The following XRCC4 variants were observed in gnomAD, a reference collection of about 807,000 sequenced individuals.
XRCC4 encodes X-ray repair cross complementing 4, also known as DNA repair protein XRCC4.
Under a neutral mutation model 39.1 loss-of-function variants are expected in XRCC4, and 28 were observed. That is an observed-to-expected ratio of 0.72 (90% CI 0.53 to 0.98). The LOEUF (loss-of-function observed/expected upper bound fraction) is 0.98, where lower values mean the gene tolerates loss of function less well. Ranked by LOEUF, XRCC4 falls within the 50% of genes least tolerant of loss-of-function variation. The pLI is 0.00. For missense variants in XRCC4, 350 were observed against 376.4 expected (o/e 0.93, Z 0.58); for synonymous variants, 123 against 126.4 (o/e 0.97, Z 0.18).
At chr5:83,373,713 AT>A in the XRCC4 span, among the ~76,000 whole-genome samples, 11 of 151,830 alleles carry the variant, frequency 7.2e-5, no homozygotes, top group African/African-American at 2.4e-4. Context: ...CTTTTTCTCT[AT>A]TTTTTTTAAC....
chr5:83,223,426 C>G (rs186117628), intron 6 of XRCC4, among the ~76,000 whole-genome samples: 18 of 152,014 alleles, frequency 1.2e-4, no homozygotes, highest in South Asian at 2.1e-4. Flanking sequence ...TTGTTATATC[C>G]TCTTGCTGAA....
chr5:83,342,010 T>G (rs1756775356), intron 7 of XRCC4, among the ~76,000 whole-genome samples: 2 of 152,324 alleles, frequency 1.3e-5, no homozygotes, highest in Non-Finnish European at 2.9e-5. Context: ...TGGCCTGTCT[T>G]AAAGGAATAA....
At chr5:83,140,829 G>A (rs1215914931) in intron 3 of XRCC4, among the ~76,000 whole-genome samples, 1 of 152,026 alleles carries the variant, frequency 6.6e-6, no homozygotes, top group African/African-American at 2.4e-5. Context: ...TTTTGGGTAT[G>A]TGAACAATTA....
chr5:83,120,682 A>G (rs1259122900), intron 3 of XRCC4, among the ~76,000 whole-genome samples: 1 of 152,110 alleles, frequency 6.6e-6, no homozygotes, highest in Non-Finnish European at 1.5e-5. Flanking sequence ...TTACTTTTTG[A>G]TGAATATCTG....
intron 7 of XRCC4, among the ~76,000 whole-genome samples, chr5:83,262,711 T>G (rs967022830): frequency 6.6e-6 from 1 of 152,030 alleles, no homozygotes; most frequent in Non-Finnish European, 1.5e-5. Context: ...AAATTTGTTG[T>G]AAAGTTGCTT....
Position 83,353,715 on chromosome 5 carries a change from C to A in XRCC4, c.*473C>A, listed in dbSNP as rs954425071. ...GTAGAAAATATAATTTTAGTTTGTACATAAACATTGTGAAAATCTGATAAT... is the reference window on the plus strand; with the variant it reads ...GTAGAAAATATAATTTTAGTTTGTAAATAAACATTGTGAAAATCTGATAAT... On this transcript the variant is annotated 3_prime_UTR_variant, in exon 8 of 8. Transcript: ENST00000396027. 1 of 152,108 alleles carries A rather than the reference C, an allele frequency of 6.6e-6. No individual in the cohort carries two copies. Among genetic ancestry groups the A allele is most frequent in the Non-Finnish European group, 1.5e-5 (1 of 68,018 alleles). 9.4% of individuals were successfully genotyped at this position (152,108 alleles called of 1,614,324 possible).
Position 83,104,933 on chromosome 5 carries a change from T to G in XRCC4, c.14T>G (p.Ile5Arg), listed in dbSNP as rs1425642930. 3 of 1,613,164 alleles carry G rather than the reference T, an allele frequency of 1.9e-6. No individual in the cohort carries two copies. The highest frequency in any genetic ancestry group is 2.5e-6 in the Non-Finnish European group (3 of 1,179,422). The part of the protein sequence containing the change: MERK[I>R]SRIHLVSEPS... ...AGGTATTAAGAAATGGAGAGAAAAA[T>G]AAGCAGAATCCACCTTGTTTCTGAA... Residue 5 changes from isoleucine (I) to arginine (R), a missense_variant, in exon 2 of 8, where the codon ATA becomes AGA. Transcript: ENST00000396027.
At chr5:83,187,658 A>G (rs775177207) in intron 3 of XRCC4, among the ~76,000 whole-genome samples, 11 of 152,216 alleles carry the variant, frequency 7.2e-5, no homozygotes, top group Non-Finnish European at 1.6e-4. Context: ...AAGAGAGAAT[A>G]GGATGTCATA....
At chr5:83,163,428 G>A (rs989794351) in intron 3 of XRCC4, among the ~76,000 whole-genome samples, 6 of 152,136 alleles carry the variant, frequency 3.9e-5, no homozygotes, top group African/African-American at 7.2e-5. Flanking sequence ...CATCAGCATT[G>A]GGAAATTTAG....
intron 7 of XRCC4, among the ~76,000 whole-genome samples, chr5:83,344,707 A>G (rs1175543858): frequency 1.3e-5 from 2 of 152,200 alleles, no homozygotes; most frequent in African/African-American, 4.8e-5. Flanking sequence ...CAAACAATGC[A>G]TCTATGATTG....
At chr5:83,174,943 T>C (rs566038105) in intron 3 of XRCC4, among the ~76,000 whole-genome samples, 19 of 152,216 alleles carry the variant, frequency 1.2e-4, no homozygotes, top group Non-Finnish European at 2.8e-4. Context: ...ATACTACTAC[T>C]CTCTTTTCAT....
intron 7 of XRCC4, among the ~76,000 whole-genome samples, chr5:83,274,762 A>G (rs1754266667): frequency 6.6e-6 from 1 of 152,156 alleles, no homozygotes. Context: ...AGGAGTAGAA[A>G]TGTGTACCAT....
intron 1 of XRCC4, among the ~76,000 whole-genome samples, chr5:83,092,267 C>G (rs915713467): frequency 6.6e-6 from 1 of 151,988 alleles, no homozygotes; most frequent in African/African-American, 2.4e-5. Flanking sequence ...AGCCCTTTAC[C>G]AAATATATGG....
chr5:83,177,687 A>G (rs1487104406), intron 3 of XRCC4, among the ~76,000 whole-genome samples: 1 of 152,168 alleles, frequency 6.6e-6, no homozygotes, highest in Non-Finnish European at 1.5e-5. Context: ...GTACAGAAAC[A>G]AGAAAAGAGA....
intron 7 of XRCC4, among the ~76,000 whole-genome samples, chr5:83,333,632 T>C (rs750160179): frequency 4.6e-5 from 7 of 152,206 alleles, no homozygotes; most frequent in Non-Finnish European, 7.3e-5. Flanking sequence ...TTCTCATGCA[T>C]AGTATCAAAA....
intron 7 of XRCC4, among the ~76,000 whole-genome samples, chr5:83,329,158 G>A (rs1009627860): frequency 6.6e-6 from 1 of 152,054 alleles, no homozygotes; most frequent in Non-Finnish European, 1.5e-5. Context: ...AATTTAAAAT[G>A]TGAATATAAA....
rs934154339 is a variant in XRCC4 at position 83,129,282 on chromosome 5, T to C, written c.315+18079T>C. On this transcript the variant is annotated intron_variant, in intron 3 of 7. Transcript: ENST00000396027. ...CTCAGGTTTGTCAAAGATCAGATGGTTGTAGATGTGTGGTATTATTTCTGA... is the reference window on the plus strand; with the variant it reads ...CTCAGGTTTGTCAAAGATCAGATGGCTGTAGATGTGTGGTATTATTTCTGA... Among the ~76,000 whole-genome samples the C allele has an allele frequency of 8.7e-5, 13 of 149,438 alleles. No individual in the cohort carries two copies. The East Asian group carries it at 2.0e-3, about 22-fold the overall frequency.
the XRCC4 span, among the ~76,000 whole-genome samples, chr5:83,374,364 TC>T: frequency 6.6e-6 from 1 of 152,228 alleles, no homozygotes. Flanking sequence ...TTATATTCAC[TC>T]TTGTTTACCG....
intron 3 of XRCC4, among the ~76,000 whole-genome samples, chr5:83,122,448 G>A (rs1163122570): frequency 6.6e-6 from 1 of 152,118 alleles, no homozygotes; most frequent in East Asian, 1.9e-4. Flanking sequence ...ATGTTGCTAA[G>A]TATTCTATAA....
Sources: gnomAD v4.1 joint callset for allele counts (sites outside exome capture counted in the v4.1 genomes callset) on GRCh38, gnomAD v4.1.1 for gene constraint, MANE v1.5 for transcripts, NCBI Gene and HGNC (gene_info 2026-07-23, HGNC 2026-07-21) for gene names.